MYO1E: variants seen among roughly 807,000 people sequenced by gnomAD.
MYO1E encodes the protein myosin IE, also known as unconventional myosin-Ie.
MYO1E carries 68 observed loss-of-function variants against 151.1 expected under a neutral mutation model. The ratio of observed to expected loss-of-function variants is 0.45; its 90% CI spans 0.37 to 0.55. The LOEUF is 0.55. Ranked by LOEUF, MYO1E falls within the 20% of genes least tolerant of loss-of-function variation. The pLI is 0.00. For missense variants in MYO1E, 1,363 were observed against 1,389.3 expected (o/e 0.98, Z 0.30); for synonymous variants, 601 against 501.7 (o/e 1.20, Z -2.64).
At chr15:59,349,956 C>A (rs1324390529) in intron 1 of MYO1E, among the ~76,000 whole-genome samples, 3 of 152,170 alleles carry the variant, frequency 2.0e-5, no homozygotes, top group South Asian at 2.1e-4. Flanking sequence ...TCTATTATTG[C>A]CTCTAACTTT....
At chr15:59,356,911 T>G (rs28404671) in intron 1 of MYO1E, among the ~76,000 whole-genome samples, 1 of 824 alleles carries the variant, frequency 1.2e-3, no homozygotes, top group East Asian at 0.25. Context: ...TTGTTTTTGG[T>G]TTTTTTTTTT....
Position 59,357,884 on chromosome 15 carries a change from A to C in MYO1E, c.3+14614T>G, listed in dbSNP as rs1233545722. Among the ~76,000 whole-genome samples the C allele has an allele frequency of 3.3e-5, 5 of 152,180 alleles. No individual in the cohort carries two copies. The South Asian group carries it at 8.3e-4, about 25-fold the overall frequency. On this transcript the variant is annotated intron_variant, in intron 1 of 27. Coordinates refer to ENST00000288235, the MANE Select transcript of MYO1E (RefSeq NM_004998.4). ...ACAAGCTGAAGATGGAGAACATCTA[A>C]GCCTGAAAGGGAAACACCAAGTGGA... is the stretch of plus-strand genomic sequence containing the variant.
At chr15:59,155,545 C>G (rs1049559495) in intron 25 of MYO1E, among the ~76,000 whole-genome samples, 1 of 152,128 alleles carries the variant, frequency 6.6e-6, no homozygotes, top group South Asian at 2.1e-4. Context: ...TGCTCAAGGT[C>G]GGAAACTTTG....
At chr15:59,155,156 G>A (rs543215674) in intron 25 of MYO1E, among the ~76,000 whole-genome samples, 1 of 152,314 alleles carries the variant, frequency 6.6e-6, no homozygotes, top group African/African-American at 2.4e-5. Flanking sequence ...CACATGGCCA[G>A]TGATAAAAGT....
chr15:59,281,561 C>T (rs1475350998), intron 1 of MYO1E, among the ~76,000 whole-genome samples: 1 of 151,620 alleles, frequency 6.6e-6, no homozygotes, highest in Non-Finnish European at 1.5e-5. Context: ...CAGGCGTGAG[C>T]CACCGCGCCC....
At chr15:59,323,889 G>T (rs11071430) in intron 1 of MYO1E, among the ~76,000 whole-genome samples, 22,356 of 151,858 alleles carry the variant, frequency 0.15, 1,853 homozygotes, top group East Asian at 0.24. Flanking sequence ...AGAGCTTGCG[G>T]GATGTGTGTT....
intron 4 of MYO1E, among the ~76,000 whole-genome samples, chr15:59,238,590 G>C (rs1255818580): frequency 1.3e-5 from 2 of 152,010 alleles, no homozygotes; most frequent in African/African-American, 2.4e-5. Flanking sequence ...TGGTTTTTTT[G>C]AAATGGAGTC....
intron 18 of MYO1E, among the ~76,000 whole-genome samples, chr15:59,179,273 C>G (rs919544826): frequency 2.6e-5 from 4 of 152,114 alleles, no homozygotes; most frequent in African/African-American, 7.2e-5. Flanking sequence ...AAAAACTGCT[C>G]TCTTGTTAGT....
chr15:59,228,279 C>T (rs1448218974), intron 6 of MYO1E, among the ~76,000 whole-genome samples: 2 of 151,946 alleles, frequency 1.3e-5, no homozygotes, highest in Non-Finnish European at 2.9e-5. Flanking sequence ...GTCAGGAGTT[C>T]GCAACCAGCC....
At chr15:59,188,810 G>A (rs1159717383) in intron 17 of MYO1E, among the ~76,000 whole-genome samples, 2 of 152,104 alleles carry the variant, frequency 1.3e-5, no homozygotes, top group South Asian at 4.1e-4. Context: ...CTATCACCTA[G>A]AGTATGAACA....
At chr15:59,308,503 C>T (rs772678147) in intron 1 of MYO1E, among the ~76,000 whole-genome samples, 2 of 151,694 alleles carry the variant, frequency 1.3e-5, no homozygotes, top group African/African-American at 2.4e-5. Context: ...AAAACCCCGT[C>T]TCTACTAAAA....
At chr15:59,221,036 TTA>T (rs1186180084) in intron 9 of MYO1E, among the ~76,000 whole-genome samples, 26 of 145,744 alleles carry the variant, frequency 1.8e-4, no homozygotes, top group African/African-American at 5.7e-4. Flanking sequence ...TATATATATA[TTA>T]TATATATATA....
intron 1 of MYO1E, among the ~76,000 whole-genome samples, chr15:59,306,926 T>G (rs1303043142): frequency 6.6e-6 from 1 of 152,230 alleles, no homozygotes; most frequent in Non-Finnish European, 1.5e-5. Context: ...TGAGCAGCGT[T>G]GCAGCAAGCG....
chr15:59,277,434 A>G (rs1440842733), intron 1 of MYO1E, among the ~76,000 whole-genome samples: 2 of 151,774 alleles, frequency 1.3e-5, no homozygotes, highest in Non-Finnish European at 2.9e-5. Flanking sequence ...AGTCCCGGCT[A>G]CTCGGGAGGC....
At chr15:59,319,266 G>A (rs1054089929) in intron 1 of MYO1E, among the ~76,000 whole-genome samples, 7 of 152,070 alleles carry the variant, frequency 4.6e-5, no homozygotes, top group African/African-American at 1.4e-4. Context: ...AGCTGAGATC[G>A]TGCCACTGCA....
At chr15:59,253,452 T>C (rs1281489690) in intron 4 of MYO1E, among the ~76,000 whole-genome samples, 2 of 150,246 alleles carry the variant, frequency 1.3e-5, no homozygotes, top group Admixed American at 6.6e-5. Context: ...AAGTTTCCTT[T>C]GCCAAAAACG....
chr15:59,277,316 G>A (rs936004116), intron 1 of MYO1E, among the ~76,000 whole-genome samples: 5 of 152,120 alleles, frequency 3.3e-5, no homozygotes, highest in South Asian at 2.1e-4. Context: ...GGAGGCCAAG[G>A]TGGGCGGATC....
At chr15:59,235,730 G>A (rs1173760500) in intron 5 of MYO1E, among the ~76,000 whole-genome samples, 1 of 152,190 alleles carries the variant, frequency 6.6e-6, no homozygotes, top group Non-Finnish European at 1.5e-5. Flanking sequence ...ACATGTGTAA[G>A]TTTAACAGAT....
rs1159837536 is a variant in MYO1E at position 59,208,040 on chromosome 15, A to G, written c.1530+641T>C. 5.0e-6 allele frequency: 8 copies of G among 1,589,148 alleles called. No individual in the cohort carries two copies. The Admixed American group carries it at 1.5e-4, about 31-fold the overall frequency. The stretch of plus-strand genomic sequence containing the variant: ...CCTGAAGAAGAGGCCCATCTGAAAA[A>G]AAGTGCAAAAACACTCTGGGAAATT... On this transcript the variant is annotated intron_variant, in intron 14 of 27. Coordinates refer to ENST00000288235, the MANE Select transcript of MYO1E (RefSeq NM_004998.4).
Sources: gnomAD v4.1 joint callset for allele counts (sites outside exome capture counted in the v4.1 genomes callset) on GRCh38, gnomAD v4.1.1 for gene constraint, MANE v1.5 for transcripts, NCBI Gene and HGNC (gene_info 2026-07-23, HGNC 2026-07-21) for gene names.